SAMD12: variants seen among roughly 807,000 people sequenced by gnomAD.
SAMD12 encodes sterile alpha motif domain containing 12.
SAMD12 carries 9 observed loss-of-function variants against 15.0 expected under a neutral mutation model. The ratio of observed to expected loss-of-function variants is 0.60; its 90% CI spans 0.36 to 1.05. The LOEUF (loss-of-function observed/expected upper bound fraction) is 1.05, where lower values mean the gene tolerates loss of function less well. Ranked by LOEUF, SAMD12 falls within the 50% of genes least tolerant of loss-of-function variation. SAMD12 has a pLI of 0.01. For missense variants in SAMD12, 230 were observed against 234.2 expected (o/e 0.98, Z 0.12); for synonymous variants, 86 against 90.1 (o/e 0.96, Z 0.25).
intron 3 of SAMD12, among the ~76,000 whole-genome samples, chr8:118,389,262 G>A (rs1293850215): frequency 6.6e-6 from 1 of 152,186 alleles, no homozygotes. Flanking sequence ...TAATCTGACT[G>A]CATATTTATG....
At chr8:118,282,044 G>A (rs1204345697) in intron 4 of SAMD12, 3 of 317,314 alleles carry the variant, frequency 9.5e-6, no homozygotes, top group Non-Finnish European at 1.9e-5. Flanking sequence ...ATTTGGAGAC[G>A]AGGGTAACCA....
chr8:118,598,058 T>C (rs548474027), intron 1 of SAMD12, among the ~76,000 whole-genome samples: 1 of 152,268 alleles, frequency 6.6e-6, no homozygotes, highest in Non-Finnish European at 1.5e-5. Flanking sequence ...TGTTTCCTTC[T>C]GTAAGGCTTC....
At chr8:118,521,525 T>C (rs750641624) in intron 2 of SAMD12, among the ~76,000 whole-genome samples, 5 of 152,182 alleles carry the variant, frequency 3.3e-5, no homozygotes, top group Non-Finnish European at 7.4e-5. Flanking sequence ...CTTCCATATT[T>C]ATCCTCCAGC....
chr8:118,585,121 G>C (rs1029461305), intron 1 of SAMD12, among the ~76,000 whole-genome samples: 1 of 152,128 alleles, frequency 6.6e-6, no homozygotes, highest in African/African-American at 2.4e-5. Context: ...GCCTATAAAA[G>C]GAATGGCATT....
intron 3 of SAMD12, among the ~76,000 whole-genome samples, chr8:118,389,639 C>A (rs572229358): frequency 6.6e-6 from 1 of 151,684 alleles, no homozygotes; most frequent in Non-Finnish European, 1.5e-5. Flanking sequence ...CACTTGAACC[C>A]GGGAGGAGGA....
At chr8:118,599,534 G>T (rs1392298087) in intron 1 of SAMD12, among the ~76,000 whole-genome samples, 1 of 152,148 alleles carries the variant, frequency 6.6e-6, no homozygotes, top group East Asian at 1.9e-4. Context: ...TCCCGCTCGT[G>T]GGGTGCTCAG....
intron 2 of SAMD12, among the ~76,000 whole-genome samples, chr8:118,539,178 T>C (rs1825926920): frequency 6.6e-6 from 1 of 152,234 alleles, no homozygotes; most frequent in South Asian, 2.1e-4. Flanking sequence ...TGATCATATA[T>C]AGATATACCT....
At chr8:118,511,623 T>C (rs1195975363) in intron 2 of SAMD12, among the ~76,000 whole-genome samples, 2 of 152,132 alleles carry the variant, frequency 1.3e-5, no homozygotes, top group African/African-American at 4.8e-5. Flanking sequence ...ACATTCAAGC[T>C]TCTATAGCAA....
intron 3 of SAMD12, among the ~76,000 whole-genome samples, chr8:118,409,207 T>A (rs780522950): frequency 6.6e-6 from 1 of 152,124 alleles, no homozygotes; most frequent in Non-Finnish European, 1.5e-5. Context: ...CAAATTAGCC[T>A]CCAGTGGGAA....
chr8:118,466,570 A>G (rs576689643), intron 2 of SAMD12, among the ~76,000 whole-genome samples: 119 of 152,172 alleles, frequency 7.8e-4, no homozygotes, highest in Non-Finnish European at 1.5e-3. Flanking sequence ...AAAACACCCA[A>G]GTGGGGTAAG....
Position 118,379,016 on chromosome 8 carries a change from GTA to G in SAMD12, c.*399_*400del, listed in dbSNP as rs1406670284. On this transcript the variant is annotated 3_prime_UTR_variant, in exon 4 of 4. Transcript: ENST00000314727. The stretch of plus-strand genomic sequence containing the variant: ...TTCTTACAATCTCTAAAGTGTGTGT[GTA>G]TAATACATTCATGTATAGTAATACA... The G allele has an allele frequency of 3.2e-5, 32 of 1,000,200 alleles. No homozygotes were observed. The African/African-American group carries it at 5.3e-4, about 17-fold the overall frequency. The allele number at this position is 1,000,200 out of a possible 1,614,324, so 62.0% of individuals were successfully genotyped here. A position where few individuals can be genotyped will look rare whatever the true frequency, so the allele number is the denominator to read the frequency against.
chr8:118,615,087 C>T (rs896433183), intron 1 of SAMD12, among the ~76,000 whole-genome samples: 1 of 152,186 alleles, frequency 6.6e-6, no homozygotes, highest in Non-Finnish European at 1.5e-5. Context: ...AGTTAGGAGG[C>T]TCCCCATTCG....
chr8:118,406,918 G>GTGTGTC (rs1178069532), intron 3 of SAMD12, among the ~76,000 whole-genome samples: 2 of 151,668 alleles, frequency 1.3e-5, no homozygotes, highest in Non-Finnish European at 2.9e-5. Context: ...GTGTGTGTGT[G>GTGTGTC]TGTCTCCACA....
intron 2 of SAMD12, among the ~76,000 whole-genome samples, chr8:118,571,720 C>T (rs1034345171): frequency 1.3e-5 from 2 of 152,174 alleles, no homozygotes; most frequent in Non-Finnish European, 2.9e-5. Context: ...TGCCAGTACA[C>T]AGGAGTCAAG....
chr8:118,137,371 C>T, the SAMD12 span, among the ~76,000 whole-genome samples: 2 of 152,150 alleles, frequency 1.3e-5, no homozygotes, highest in African/African-American at 4.8e-5. Flanking sequence ...TTTCCATCTG[C>T]CTTCCAGAAA....
chr8:118,203,840 T>C (rs1819783454), intron 4 of SAMD12, among the ~76,000 whole-genome samples: 1 of 151,516 alleles, frequency 6.6e-6, no homozygotes, highest in African/African-American at 2.4e-5. Context: ...TGTTTGGTTT[T>C]TTGTCCTTGC....
At chr8:118,200,403 C>CA (rs35465667) in intron 4 of SAMD12, among the ~76,000 whole-genome samples, 1,898 of 114,160 alleles carry the variant, frequency 0.017, 84 homozygotes, top group East Asian at 0.12. Context: ...ATTAGAGTAC[C>CA]AAAAAAAAAA....
the SAMD12 span, among the ~76,000 whole-genome samples, chr8:118,177,600 G>A: frequency 1.3e-5 from 2 of 152,180 alleles, no homozygotes; most frequent in African/African-American, 4.8e-5. Context: ...ATAGATGGGT[G>A]TAATCCCAGC....
chr8:118,131,999 C>T, the SAMD12 span, among the ~76,000 whole-genome samples: 14 of 151,880 alleles, frequency 9.2e-5, no homozygotes, highest in African/African-American at 3.4e-4. Flanking sequence ...TATGGTATAC[C>T]CCAATATCCA....
Sources: gnomAD v4.1 joint callset for allele counts (sites outside exome capture counted in the v4.1 genomes callset) on GRCh38, gnomAD v4.1.1 for gene constraint, MANE v1.5 for transcripts, NCBI Gene and HGNC (gene_info 2026-07-23, HGNC 2026-07-21) for gene names.